Variants in CTNNA3 observed in about 807,000 individuals in gnomAD.
The protein encoded by CTNNA3 is catenin alpha 3.
A neutral mutation model predicts 95.7 loss-of-function variants in CTNNA3; 76 were observed. The ratio of observed to expected loss-of-function variants is 0.79; its 90% CI spans 0.66 to 0.96. CTNNA3 has a LOEUF of 0.96. Among genes scored for constraint, CTNNA3 ranks in the 40% least tolerant of loss-of-function variants. CTNNA3 has a pLI of 0.00. For missense variants in CTNNA3, 1,191 were observed against 1,089.8 expected, an observed-to-expected ratio of 1.09 and a Z score of -1.31; for synonymous variants, 431 against 374.4, an observed-to-expected ratio of 1.15 and a Z score of -1.74.
chr10:66,474,540 C>A (rs1287583171), intron 11 of CTNNA3, among the ~76,000 whole-genome samples: 3 of 151,946 alleles, frequency 2.0e-5, no homozygotes, highest in Non-Finnish European at 4.4e-5. Context: ...ACACTGATTT[C>A]TTTTCCTTTG....
intron 15 of CTNNA3, among the ~76,000 whole-genome samples, chr10:66,054,340 G>A (rs977600005): frequency 2.0e-5 from 3 of 152,032 alleles, no homozygotes; most frequent in African/African-American, 4.8e-5. Context: ...TTGTATTCAC[G>A]CCAATAGTGT....
rs575657127 is a variant in CTNNA3 at position 67,478,424 on chromosome 10, A to G, written c.579+43418T>C. Among the ~76,000 whole-genome samples the G allele has an allele frequency of 6.6e-5, 10 of 152,334 alleles. No individual in the cohort carries two copies. The South Asian group carries it at 2.1e-3, about 32-fold the overall frequency. On this transcript the variant is annotated intron_variant, in intron 5 of 17. Coordinates refer to ENST00000433211, the MANE Select transcript of CTNNA3 (RefSeq NM_013266.4). ...CATAAAGGGGAATCCCATCAGGCTAACAGCAGACTTCTCAGCAGAAAATTT... is the reference window on the plus strand; with the variant it reads ...CATAAAGGGGAATCCCATCAGGCTAGCAGCAGACTTCTCAGCAGAAAATTT...
rs139031167 is a variant in CTNNA3 at position 67,563,583 on chromosome 10, C to A, written c.293-23914G>T. 9.5e-3 allele frequency among the ~76,000 whole-genome samples: 1,439 copies of A among 152,182 alleles called. 25 individuals are homozygous for A. The highest frequency in any genetic ancestry group is 0.033 in the African/African-American group (1,369 of 41,502). ...TTACCATTCAGGACATAGGCACAGGCAAGGACTTCATGAGTTAAACACCAA... is the reference window on the plus strand; with the variant it reads ...TTACCATTCAGGACATAGGCACAGGAAAGGACTTCATGAGTTAAACACCAA... On this transcript the variant is annotated intron_variant, in intron 3 of 17. Coordinates refer to ENST00000433211, the MANE Select transcript of CTNNA3 (RefSeq NM_013266.4).
chr10:66,966,323 T>A (rs554815681), intron 7 of CTNNA3, among the ~76,000 whole-genome samples: 19 of 152,150 alleles, frequency 1.2e-4, no homozygotes, highest in Non-Finnish European at 1.8e-4. Flanking sequence ...TCATTTTTGA[T>A]GTACAGAATT....
chr10:66,044,574 A>G (rs1408805488), intron 15 of CTNNA3, among the ~76,000 whole-genome samples: 1 of 152,036 alleles, frequency 6.6e-6, no homozygotes, highest in Non-Finnish European at 1.5e-5. Context: ...TATGATGACT[A>G]TTCTATGCTG....
At chr10:67,303,925 A>G (rs1840431210) in intron 5 of CTNNA3, among the ~76,000 whole-genome samples, 1 of 152,188 alleles carries the variant, frequency 6.6e-6, no homozygotes, top group Admixed American at 6.5e-5. Context: ...CCCACAAGCT[A>G]CAACCTACTG....
At chr10:66,572,439 T>C (rs1013927196) in intron 10 of CTNNA3, among the ~76,000 whole-genome samples, 1 of 151,448 alleles carries the variant, frequency 6.6e-6, no homozygotes, top group African/African-American at 2.4e-5. Context: ...CAAACAGGCA[T>C]ACATACCTAG....
intron 5 of CTNNA3, among the ~76,000 whole-genome samples, chr10:67,258,482 A>G (rs1184099742): frequency 6.6e-6 from 1 of 152,048 alleles, no homozygotes; most frequent in African/African-American, 2.4e-5. Flanking sequence ...ATAATACCCA[A>G]ATTTTCTTAA....
intron 9 of CTNNA3, among the ~76,000 whole-genome samples, chr10:66,668,450 G>GTGTGTGTGTGTGTGTGTGTGTGTGTT: frequency 6.6e-6 from 1 of 151,730 alleles, no homozygotes; most frequent in Admixed American, 6.6e-5. Context: ...GTGTGTGTGT[G>GTGTGTGTGTGTGTGTGTGTGTGTGTT]TGTGTGTGAT....
intron 7 of CTNNA3, among the ~76,000 whole-genome samples, chr10:66,876,598 C>A (rs1844631166): frequency 6.6e-6 from 1 of 152,066 alleles, no homozygotes; most frequent in Non-Finnish European, 1.5e-5. Context: ...ATGTTATAGT[C>A]TTCAACTCAC....
At chr10:66,702,219 G>C (rs1231994296) in intron 9 of CTNNA3, among the ~76,000 whole-genome samples, 2 of 151,894 alleles carry the variant, frequency 1.3e-5, no homozygotes, top group Non-Finnish European at 2.9e-5. Flanking sequence ...TTGAACATCA[G>C]CAACAACCAA....
At chr10:66,712,215 A>T (rs10997342) in intron 9 of CTNNA3, among the ~76,000 whole-genome samples, 4,911 of 152,222 alleles carry the variant, frequency 0.032, 210 homozygotes, top group East Asian at 0.22. Context: ...AATAATAAAC[A>T]TGTGATACAA....
chr10:67,390,186 G>T (rs1245873422), intron 5 of CTNNA3, among the ~76,000 whole-genome samples: 1 of 151,986 alleles, frequency 6.6e-6, no homozygotes, highest in African/African-American at 2.4e-5. Context: ...AAAAAGAGAA[G>T]AATCAAATAG....
At chr10:66,687,943 T>A (rs567904218) in intron 9 of CTNNA3, among the ~76,000 whole-genome samples, 2 of 152,230 alleles carry the variant, frequency 1.3e-5, no homozygotes, top group East Asian at 3.9e-4. Flanking sequence ...TTAATTGTGT[T>A]GAAGATTTTA....
chr10:66,327,674 T>G (rs1385511247), intron 12 of CTNNA3, among the ~76,000 whole-genome samples: 1 of 152,012 alleles, frequency 6.6e-6, no homozygotes, highest in South Asian at 2.1e-4. Context: ...GTGCAATTCT[T>G]AGGACCCTAT....
chr10:66,660,717 T>G (rs1846232363), intron 9 of CTNNA3, among the ~76,000 whole-genome samples: 1 of 152,210 alleles, frequency 6.6e-6, no homozygotes, highest in African/African-American at 2.4e-5. Flanking sequence ...TTAATTCTTT[T>G]CAGGTTTTTG....
intron 3 of CTNNA3, among the ~76,000 whole-genome samples, chr10:67,562,446 T>G (rs1178557078): frequency 6.6e-6 from 1 of 152,170 alleles, no homozygotes; most frequent in Non-Finnish European, 1.5e-5. Context: ...CAACCCTTCA[T>G]GCTAAAAACT....
intron 11 of CTNNA3, among the ~76,000 whole-genome samples, chr10:66,416,048 A>T (rs1009540477): frequency 6.6e-6 from 1 of 152,224 alleles, no homozygotes; most frequent in African/African-American, 2.4e-5. Flanking sequence ...TTCTAAAAAA[A>T]CAAAACAAAG....
At chr10:67,484,091 A>G (rs1178899408) in intron 5 of CTNNA3, among the ~76,000 whole-genome samples, 1 of 152,240 alleles carries the variant, frequency 6.6e-6, no homozygotes, top group Non-Finnish European at 1.5e-5. Flanking sequence ...CTCTAAGGCT[A>G]CAGTAACCAA....
Sources: allele counts gnomAD v4.1 joint callset (sites outside exome capture counted in the v4.1 genomes callset), GRCh38; gene constraint gnomAD v4.1.1; transcripts MANE v1.5; gene names NCBI Gene and HGNC (gene_info 2026-07-23, HGNC 2026-07-21).